The following CACNA1I variants were observed in gnomAD, a reference collection of about 807,000 sequenced individuals.
The protein encoded by CACNA1I is calcium voltage-gated channel subunit alpha1 I.
In CACNA1I, 74 loss-of-function variants were observed where a neutral mutation model predicts 201.6. The ratio of observed to expected loss-of-function variants is 0.37; its 90% CI spans 0.30 to 0.45. CACNA1I has a LOEUF of 0.45. Among genes scored for constraint, CACNA1I ranks in the 20% least tolerant of loss-of-function variants. The pLI is 1.00. For missense variants in CACNA1I, 2,346 were observed against 3,138.1 expected (o/e 0.75, Z 6.03); for synonymous variants, 1,431 against 1,345.2 (o/e 1.06, Z -1.40).
intron 23 of CACNA1I, among the ~76,000 whole-genome samples, chr22:39,667,623 C>T (rs1333658856): frequency 6.6e-6 from 1 of 151,956 alleles, no homozygotes; most frequent in Non-Finnish European, 1.5e-5. Context: ...CAGATGTGAA[C>T]TCACTTAAGG....
At chr22:39,673,431 G>C (rs890491591) in intron 28 of CACNA1I, among the ~76,000 whole-genome samples, 4 of 152,222 alleles carry the variant, frequency 2.6e-5, no homozygotes, top group Middle Eastern at 3.2e-3. Context: ...AACACCTCCA[G>C]TTCCTCGCTG....
intron 1 of CACNA1I, among the ~76,000 whole-genome samples, chr22:39,577,280 C>T (rs900228385): frequency 1.1e-4 from 16 of 152,360 alleles, no homozygotes; most frequent in African/African-American, 3.4e-4. Context: ...AGGTAATCTG[C>T]GCAGCTCGGC....
At chr22:39,636,112 G>A (rs993826472) in intron 5 of CACNA1I, among the ~76,000 whole-genome samples, 1 of 152,220 alleles carries the variant, frequency 6.6e-6, no homozygotes, top group African/African-American at 2.4e-5. Context: ...AAGTGGATGT[G>A]TGAGTGCATT....
At position 39,634,730 on chromosome 22, in the gene CACNA1I, T is replaced by C. The variant is rs768805358; in HGVS notation, c.740+6T>C. On this transcript the variant is annotated splice_donor_region_variant and intron_variant, in intron 5 of 36. Coordinates refer to ENST00000402142, the MANE Select transcript of CACNA1I (RefSeq NM_021096.4). ...CTGGAGGAGAACTTCACCATGTGAG[T>C]TCATCCCCTGCCACCCATGCAGCTC... 2.5e-6 allele frequency: 4 copies of C among 1,611,188 alleles called. No individual in the cohort carries two copies. The highest frequency in any genetic ancestry group is 3.4e-6 in the Non-Finnish European group (4 of 1,177,982).
intron 6 of CACNA1I, among the ~76,000 whole-genome samples, chr22:39,642,569 G>A (rs866371258): frequency 2.6e-5 from 4 of 152,212 alleles, no homozygotes; most frequent in Admixed American, 1.3e-4. Context: ...GTCCTGGCAC[G>A]TCCCCTTCCT....
At chr22:39,661,399 T>C in intron 16 of CACNA1I, 89 bp downstream of exon 16, 1 of 1,057,326 alleles carries the variant, frequency 9.5e-7, no homozygotes, top group Non-Finnish European at 1.3e-6. Flanking sequence ...CAGTCTAGCC[T>C]CAGACTCTGG....
chr22:39,672,956 C>G lies in CACNA1I; in HGVS notation c.4657C>G (p.Gln1553Glu). 1 of 1,613,196 alleles carries G rather than the reference C, an allele frequency of 6.2e-7. No individual in the cohort carries two copies. The highest frequency in any genetic ancestry group is 8.5e-7 in the Non-Finnish European group (1 of 1,179,422). Reference sequence around the variant, plus strand: ...CCATGCACGGCTGAGCAGATGGAACCAGCTGGACCTGGCCATTGTGCTACT... The same window carrying G: ...CCATGCACGGCTGAGCAGATGGAACGAGCTGGACCTGGCCATTGTGCTACT... ...LRRFFKDRWNQLDLAIVLLSV... is the reference protein window; with the variant it reads ...LRRFFKDRWNELDLAIVLLSV... The change falls in exon 28 of 37, where the codon CAG (glutamine) becomes GAG (glutamate). Residue 1553 changes from glutamine (Q) to glutamate (E), a missense_variant. Gln to Glu is a conservative substitution (Grantham distance 29). Transcript: ENST00000402142.
rs960606550 is a variant in CACNA1I, at chr22:39,586,932, C to T, written c.237-11219C>T. Among the ~76,000 whole-genome samples, 11 of 152,188 alleles carry T rather than the reference C, an allele frequency of 7.2e-5. No homozygotes were observed. The East Asian group carries it at 1.2e-3, about 16-fold the overall frequency. On this transcript the variant is annotated intron_variant, in intron 1 of 36. Transcript: ENST00000402142. ...GGAAGCCTTCCTGCCTGCATACTTT[C>T]TGTGTGGTTGGGCTCCCGAGGCTGG...
Position 39,684,936 on chromosome 22 carries a change from T to C in CACNA1I, c.6027+438T>C. On this transcript the variant is annotated intron_variant, in intron 36 of 36. Coordinates refer to ENST00000402142, the MANE Select transcript of CACNA1I (RefSeq NM_021096.4). The surrounding 1 kb of genome is among the most constrained non-coding windows in gnomAD (Gnocchi z 4.6). ...GTCTGGTGGATGAGAAGCCTCGGGCTGCAGGGTCCCCCGTACTGGATTGGC... is the reference window on the plus strand; with the variant it reads ...GTCTGGTGGATGAGAAGCCTCGGGCCGCAGGGTCCCCCGTACTGGATTGGC... 3.1e-6 allele frequency: 1 copy of C among 327,840 alleles called. No homozygotes were observed. Among genetic ancestry groups the C allele is most frequent in the Non-Finnish European group, 5.7e-6 (1 of 176,252 alleles). The allele number at this position is 327,840 out of a possible 1,614,324, so 20.3% of individuals were successfully genotyped here.
At chr22:39,614,244 G>A (rs571591872) in intron 3 of CACNA1I, among the ~76,000 whole-genome samples, 16 of 152,300 alleles carry the variant, frequency 1.1e-4, no homozygotes, top group African/African-American at 2.2e-4. Flanking sequence ...TGAAGCTTGC[G>A]GCAGGTAGCG....
chr22:39,607,331 T>G (rs909199996), intron 3 of CACNA1I, among the ~76,000 whole-genome samples: 3 of 152,202 alleles, frequency 2.0e-5, no homozygotes, highest in African/African-American at 7.2e-5. Flanking sequence ...TCAATGTTCC[T>G]CCAACGTCAG....
chr22:39,614,939 G>A (rs1879042758), intron 3 of CACNA1I, among the ~76,000 whole-genome samples: 1 of 152,216 alleles, frequency 6.6e-6, no homozygotes, highest in Non-Finnish European at 1.5e-5. Context: ...GGAGGTAGTG[G>A]GGAGGTTTTG....
chr22:39,641,098 T>C lies in CACNA1I; in HGVS notation c.972T>C (p.Asn324=), dbSNP rs753941621. ...GTGTCAACTGGAACCGTTACTACAA[T>C]GTGTGCCGCACGGGCAGCGCCAACC... ...GLCVNWNRYY[N]VCRTGSANPH... Residue 324 remains asparagine, a synonymous_variant, in exon 6 of 37, where the codon AAT becomes AAC. Coordinates refer to ENST00000402142, the MANE Select transcript of CACNA1I (RefSeq NM_021096.4). The C allele has an allele frequency of 3.7e-6, 6 of 1,614,036 alleles. No individual in the cohort carries two copies. The highest frequency in any genetic ancestry group is 5.1e-6 in the Non-Finnish European group (6 of 1,179,904).
chr22:39,585,740 T>TC (rs1226161540), intron 1 of CACNA1I, among the ~76,000 whole-genome samples: 2 of 142,068 alleles, frequency 1.4e-5, no homozygotes, highest in Non-Finnish European at 3.1e-5. Context: ...TTTTTTTTTT[T>TC]TTTTTTTGCA....
At chr22:39,680,293 C>T (rs1935664898) in intron 33 of CACNA1I, among the ~76,000 whole-genome samples, 2 of 152,220 alleles carry the variant, frequency 1.3e-5, no homozygotes, top group Non-Finnish European at 2.9e-5. Context: ...GGCTTAGGCC[C>T]ACCCAGCTCA....
At position 39,662,008 on chromosome 22, in the gene CACNA1I, C is replaced by T. The variant is rs2146449707; in HGVS notation, c.2945C>T (p.Ala982Val). Reference sequence around the variant, plus strand: ...TACTACGGGCCATGGGGCCGCAGCGCGGCCTGGGCCAGCCGTCGCTCCAGC... The same window carrying T: ...TACTACGGGCCATGGGGCCGCAGCGTGGCCTGGGCCAGCCGTCGCTCCAGC... ...SSYYGPWGRS[A>V]AWASRRSSWN... The change falls in exon 17 of 37, where the codon GCG becomes GTG. Residue 982 changes from alanine (A) to valine (V), a missense_variant. Around this residue, in one of 13 missense-constraint regions of CACNA1I, gnomAD observed 288 missense variants for 255.2 expected, o/e 1.13. Coordinates refer to ENST00000402142, the MANE Select transcript of CACNA1I (RefSeq NM_021096.4). 1.3e-6 allele frequency: 2 copies of T among 1,562,504 alleles called. No homozygotes were observed. Among genetic ancestry groups the T allele is most frequent in the Admixed American group, 1.9e-5 (1 of 52,940 alleles).
intron 4 of CACNA1I, among the ~76,000 whole-genome samples, chr22:39,630,647 G>C (rs1934034594): frequency 6.6e-6 from 1 of 152,240 alleles, no homozygotes; most frequent in Non-Finnish European, 1.5e-5. Flanking sequence ...GCAGAGCCGG[G>C]AACTGGCACA....
rs148279787 is a variant in CACNA1I at position 39,671,267 on chromosome 22, A to G, written c.4539+313A>G. ...ATTGACTCTTTGCAAGGCACGCTACATATATGAACTCTTTAATCCTCGCAG... is the reference window on the plus strand; with the variant it reads ...ATTGACTCTTTGCAAGGCACGCTACGTATATGAACTCTTTAATCCTCGCAG... On this transcript the variant is annotated intron_variant, in intron 26 of 36. Transcript: ENST00000402142. Among the ~76,000 whole-genome samples the G allele has an allele frequency of 7.7e-4, 117 of 152,342 alleles. 3 individuals carry two copies. The Middle Eastern group carries it at 0.014, about 18-fold the overall frequency.
At chr22:39,586,125 C>T (rs372439506) in intron 1 of CACNA1I, among the ~76,000 whole-genome samples, 3 of 151,906 alleles carry the variant, frequency 2.0e-5, no homozygotes, top group Non-Finnish European at 4.4e-5. Flanking sequence ...TTGCAGTGAG[C>T]CGAGATCGTG....
Sources: allele counts gnomAD v4.1 joint callset (sites outside exome capture counted in the v4.1 genomes callset), GRCh38; gene constraint gnomAD v4.1.1; regional missense constraint gnomAD v4.1.1; non-coding constraint Gnocchi (gnomAD v3.1); transcripts MANE v1.5; gene names NCBI Gene and HGNC (gene_info 2026-07-23, HGNC 2026-07-21).